Variants in VPS53 observed in about 807,000 individuals in gnomAD.
VPS53 encodes the protein VPS53 subunit of GARP complex.
A neutral mutation model predicts 107.0 loss-of-function variants in VPS53; 70 were observed. The observed-to-expected ratio is 0.65, with a 90% CI of 0.54 to 0.80. VPS53 has a LOEUF of 0.80. Among genes scored for constraint, VPS53 ranks in the 30% least tolerant of loss-of-function variants. The probability of loss-of-function intolerance (pLI) is 0.00; values close to 1 mark genes in which losing one functional copy is unlikely to be tolerated. For synonymous variants in VPS53, 409 were observed against 393.3 expected (o/e 1.04, Z -0.47); for missense variants, 917 against 1,049.4 (o/e 0.87, Z 1.74).
chr17:557,964 A>C (rs1201690506), intron 15 of VPS53, among the ~76,000 whole-genome samples: 1 of 150,570 alleles, frequency 6.6e-6, no homozygotes, highest in South Asian at 2.1e-4. Context: ...GGCTCAAGCG[A>C]TCCTCCAACC....
chr17:662,860 AGG>A (rs1567720164), intron 4 of VPS53, among the ~76,000 whole-genome samples: 1 of 114,774 alleles, frequency 8.7e-6, no homozygotes, highest in Admixed American at 8.9e-5. Context: ...GAAGGAAGGA[AGG>A]AAGGAAGGAA....
intron 12 of VPS53, among the ~76,000 whole-genome samples, chr17:599,148 C>T (rs201475336): frequency 4.7e-5 from 7 of 148,318 alleles, no homozygotes; most frequent in African/African-American, 1.5e-4. Context: ...GCCCCCCGCC[C>T]GGCCAGCCGC....
intron 7 of VPS53, among the ~76,000 whole-genome samples, chr17:636,102 A>T (rs1233860252): frequency 2.0e-5 from 3 of 152,160 alleles, no homozygotes; most frequent in Non-Finnish European, 4.4e-5. Flanking sequence ...CTCCTTGAAG[A>T]GGTCCTTCAC....
At chr17:566,120 C>A (rs1913480359) in intron 13 of VPS53, among the ~76,000 whole-genome samples, 2 of 147,382 alleles carry the variant, frequency 1.4e-5, no homozygotes, top group African/African-American at 2.5e-5. Context: ...AGGAGAATGG[C>A]GTGAACCCGG....
intron 4 of VPS53, among the ~76,000 whole-genome samples, chr17:678,057 G>A (rs1972236833): frequency 6.6e-6 from 1 of 151,934 alleles, no homozygotes; most frequent in African/African-American, 2.4e-5. Flanking sequence ...GGAGGTCGAG[G>A]CTGCAGTGAG....
In VPS53 at chr17:628,053, A is replaced by G. The variant is rs757498680; in HGVS notation, c.831+35T>C. The G allele has an allele frequency of 9.5e-6, 15 of 1,583,742 alleles. No homozygotes were observed. In the African/African-American group the frequency reaches 1.1e-4, roughly 12 times the overall value. On this transcript the variant is annotated intron_variant, in intron 9 of 21. Coordinates refer to ENST00000437048, the MANE Select transcript of VPS53 (RefSeq NM_001128159.3). ...AGCACTCATGTTTCAATAAAATTCA[A>G]ATGTTACATCTGATCTTATTTGGTC...
At chr17:707,223 T>G (rs1973440979) in intron 2 of VPS53, among the ~76,000 whole-genome samples, 1 of 151,958 alleles carries the variant, frequency 6.6e-6, no homozygotes, top group Admixed American at 6.6e-5. Flanking sequence ...ATTATCCAAG[T>G]GAAAATCAGC....
chr17:710,737 TGGGA>T, intron 1 of VPS53, 124 bp from the exon 2 acceptor site: 1 of 656,376 alleles, frequency 1.5e-6, no homozygotes, highest in Non-Finnish European at 2.5e-6. Flanking sequence ...CACAGCACTT[TGGGA>T]GGCCAAAGCA....
Position 509,145 on chromosome 17 carries a change from C to T in VPS53, c.*9983G>A, listed in dbSNP as rs948573177. 1.3e-5 allele frequency: 2 copies of T among 150,278 alleles called. No individual in the cohort carries two copies. The highest frequency in any genetic ancestry group is 1.3e-4 in the Admixed American group (2 of 15,112). The allele number at this position is 150,278 out of a possible 1,614,324, so 9.3% of individuals were successfully genotyped here. A position where few individuals can be genotyped will look rare whatever the true frequency, so the allele number is the denominator to read the frequency against. On this transcript the variant is annotated 3_prime_UTR_variant, in exon 22 of 22. Transcript: ENST00000437048. ...ATCCTGTCTCACCCCTCACCAGTCA[C>T]ATATCAAATCCTGCCTCACCCCCTT...
At chr17:672,324 C>T (rs969651562) in intron 4 of VPS53, among the ~76,000 whole-genome samples, 14 of 152,220 alleles carry the variant, frequency 9.2e-5, no homozygotes, top group Middle Eastern at 3.4e-3. Context: ...CAGGATCCTT[C>T]CAAATAATCC....
intron 13 of VPS53, among the ~76,000 whole-genome samples, chr17:577,754 G>A (rs1017614591): frequency 6.7e-6 from 1 of 150,324 alleles, no homozygotes; most frequent in Non-Finnish European, 1.5e-5. Context: ...AACCTAATGC[G>A]TTCCCAGAGA....
chr17:664,142 G>C (rs937903435), intron 4 of VPS53, among the ~76,000 whole-genome samples: 5 of 152,014 alleles, frequency 3.3e-5, no homozygotes, highest in African/African-American at 1.2e-4. Flanking sequence ...TAAGTGGCGT[G>C]ATCTCAGCTC....
rs1259651433 is a variant in VPS53, at chr17:517,198, T to G, written c.*1930A>C. On this transcript the variant is annotated 3_prime_UTR_variant, in exon 22 of 22. Coordinates refer to ENST00000437048, the MANE Select transcript of VPS53 (RefSeq NM_001128159.3). The stretch of plus-strand genomic sequence containing the variant: ...CCGCCCTTGTCTTATTTGGAATCTT[T>G]TCCTAATAGACCTCAACTGAAGGCC... 8.3e-6 allele frequency: 3 copies of G among 363,224 alleles called. No homozygotes were observed. Among genetic ancestry groups the G allele is most frequent in the Non-Finnish European group, 9.8e-6 (2 of 204,434 alleles). 22.5% of individuals were successfully genotyped at this position (363,224 alleles called of 1,614,324 possible). A position where few individuals can be genotyped will look rare whatever the true frequency, so the allele number is the denominator to read the frequency against.
chr17:669,621 C>A (rs1019984463), intron 4 of VPS53, among the ~76,000 whole-genome samples: 2 of 108,830 alleles, frequency 1.8e-5, no homozygotes, highest in African/African-American at 5.9e-5. Flanking sequence ...AGGCCAGGTG[C>A]GATGGCTCAT....
intron 11 of VPS53, among the ~76,000 whole-genome samples, chr17:608,511 G>C (rs932478160): frequency 4.6e-5 from 7 of 152,116 alleles, no homozygotes; most frequent in African/African-American, 1.7e-4. Flanking sequence ...TACCTCCAGG[G>C]GGAGGGATAT....
chr17:682,654 TG>T (rs755458811), intron 4 of VPS53, among the ~76,000 whole-genome samples: 1 of 152,186 alleles, frequency 6.6e-6, no homozygotes, highest in East Asian at 1.9e-4. Flanking sequence ...AGACCTTCAC[TG>T]GGTGTTCATG....
intron 4 of VPS53, among the ~76,000 whole-genome samples, chr17:676,845 G>GTT (rs202156847): frequency 1.2e-4 from 18 of 144,524 alleles, no homozygotes; most frequent in East Asian, 6.0e-4. Context: ...AATCAGGGTG[G>GTT]TTTTTTTTTT....
chr17:589,212 CT>C (rs939408389), intron 12 of VPS53, among the ~76,000 whole-genome samples: 4 of 149,844 alleles, frequency 2.7e-5, no homozygotes, highest in Non-Finnish European at 3.0e-5. Flanking sequence ...GTATATTTTG[CT>C]TTTTTTTTAA....
chr17:520,900 A>G lies in VPS53; in HGVS notation c.2223+701T>C, dbSNP rs1908703488. On this transcript the variant is annotated intron_variant, in intron 20 of 21. Transcript: ENST00000437048. This position sits in a 1 kb window ranked among gnomAD's most constrained non-coding sequence, Gnocchi z 4.4. ...TGAGCTCTTCACCCTTACCTACATGAGCTGCTTCATCCTCACCCACATCCC... is the reference window on the plus strand; with the variant it reads ...TGAGCTCTTCACCCTTACCTACATGGGCTGCTTCATCCTCACCCACATCCC... Among the ~76,000 whole-genome samples the G allele has an allele frequency of 6.6e-6, 1 of 151,412 alleles. No homozygotes were observed. Among genetic ancestry groups the G allele is most frequent in the African/African-American group, 2.4e-5 (1 of 41,106 alleles).
Sources: gnomAD v4.1 joint callset for allele counts (sites outside exome capture counted in the v4.1 genomes callset) on GRCh38, gnomAD v4.1.1 for gene constraint, Gnocchi (gnomAD v3.1) non-coding constraint, MANE v1.5 for transcripts, NCBI Gene and HGNC (gene_info 2026-07-23, HGNC 2026-07-21) for gene names.